The following BBX variants were observed in gnomAD, a reference collection of about 807,000 sequenced individuals.
BBX encodes HMG box transcription factor BBX.
Under a neutral mutation model 100.2 loss-of-function variants are expected in BBX, and 30 were observed. That is an observed-to-expected ratio of 0.30 (90% CI 0.22 to 0.41). The LOEUF (loss-of-function observed/expected upper bound fraction) is 0.41. BBX is among the 10% of genes least tolerant of loss of function. The pLI is 1.00. For synonymous variants in BBX, 376 were observed against 388.1 expected, an observed-to-expected ratio of 0.97 and a Z score of 0.37; for missense variants, 1,023 against 1,129.8, an observed-to-expected ratio of 0.91 and a Z score of 1.35.
chr3:107,746,224 C>A (rs1195838054), intron 8 of BBX, among the ~76,000 whole-genome samples: 3 of 151,814 alleles, frequency 2.0e-5, no homozygotes, highest in Non-Finnish European at 2.9e-5. Context: ...TTTTTTCTAA[C>A]TTTTATAGAG....
chr3:107,528,432 C>CT (rs2047927136), intron 2 of BBX, among the ~76,000 whole-genome samples: 1 of 152,102 alleles, frequency 6.6e-6, no homozygotes, highest in Non-Finnish European at 1.5e-5. Context: ...TAGGAAAAAT[C>CT]TTTCTCTAGA....
chr3:107,787,440 G>C (rs141843000), intron 13 of BBX, among the ~76,000 whole-genome samples: 1 of 152,128 alleles, frequency 6.6e-6, no homozygotes. Flanking sequence ...TTCCAGAATA[G>C]GCAAACCTAT....
intron 3 of BBX, among the ~76,000 whole-genome samples, chr3:107,658,605 G>A (rs1331939612): frequency 6.6e-6 from 1 of 152,062 alleles, no homozygotes; most frequent in Non-Finnish European, 1.5e-5. Flanking sequence ...AGCCACTTTG[G>A]TTTTCATCTT....
chr3:107,789,816 T>C lies in BBX; in HGVS notation c.2233T>C (p.Phe745Leu), dbSNP rs1278401162. 4.5e-6 allele frequency: 7 copies of C among 1,548,972 alleles called. No individual in the cohort carries two copies. The highest frequency in any genetic ancestry group is 4.9e-5 in the East Asian group (2 of 40,900). Residue 745 changes from phenylalanine (F) to leucine (L), a missense_variant, in exon 14 of 18, where the codon TTC (phenylalanine) becomes CTC (leucine). Coordinates refer to ENST00000325805, the MANE Select transcript of BBX (RefSeq NM_001142568.3). Reference sequence around the variant, plus strand: ...TTTCCAGTCTCAGAAAAAGAACTTATTCCACAAAATTGTCAGCAAATATAA... The same window carrying C: ...TTTCCAGTCTCAGAAAAAGAACTTACTCCACAAAATTGTCAGCAAATATAA... The part of the protein sequence containing the change: ...GPFQSQKKNL[F>L]HKIVSKYKHK...
chr3:107,647,457 T>C (rs1006623257), intron 3 of BBX, among the ~76,000 whole-genome samples: 1 of 152,206 alleles, frequency 6.6e-6, no homozygotes, highest in Non-Finnish European at 1.5e-5. Flanking sequence ...GAGTGTTTTA[T>C]TGACTATAAG....
At chr3:107,761,373 G>A (rs73850165) in intron 10 of BBX, among the ~76,000 whole-genome samples, 2,744 of 152,284 alleles carry the variant, frequency 0.018, 83 homozygotes, top group African/African-American at 0.063. Flanking sequence ...GTGTTACACA[G>A]TGATAAAAGC....
chr3:107,680,792 A>G (rs1376916339), intron 3 of BBX, among the ~76,000 whole-genome samples: 1 of 152,176 alleles, frequency 6.6e-6, no homozygotes, highest in Non-Finnish European at 1.5e-5. Context: ...GTTCAGATTT[A>G]CAATTCCATG....
intron 3 of BBX, among the ~76,000 whole-genome samples, chr3:107,688,646 C>CT (rs1265594304): frequency 6.6e-6 from 1 of 152,182 alleles, no homozygotes; most frequent in Non-Finnish European, 1.5e-5. Flanking sequence ...TTGTTGCACT[C>CT]TATTACCTGC....
At chr3:107,796,681 T>C (rs2069703919) in intron 15 of BBX, among the ~76,000 whole-genome samples, 1 of 152,186 alleles carries the variant, frequency 6.6e-6, no homozygotes, top group Admixed American at 6.5e-5. Context: ...TCTTACCGAA[T>C]TATTTTTTAT....
intron 2 of BBX, among the ~76,000 whole-genome samples, chr3:107,566,891 CTT>C (rs1333722278): frequency 6.6e-6 from 1 of 151,766 alleles, no homozygotes; most frequent in Non-Finnish European, 1.5e-5. Flanking sequence ...TTTTTAAACT[CTT>C]TTCTTCTCTG....
intron 2 of BBX, among the ~76,000 whole-genome samples, chr3:107,578,359 A>T (rs1040184985): frequency 6.6e-6 from 1 of 152,224 alleles, no homozygotes; most frequent in African/African-American, 2.4e-5. Flanking sequence ...AAATTCATTC[A>T]AGAAAGGACA....
At chr3:107,588,941 T>A (rs992550634) in intron 2 of BBX, among the ~76,000 whole-genome samples, 1 of 152,170 alleles carries the variant, frequency 6.6e-6, no homozygotes, top group Non-Finnish European at 1.5e-5. Context: ...TATAAGAAAT[T>A]AAATCTCCCA....
intron 13 of BBX, among the ~76,000 whole-genome samples, chr3:107,779,323 C>T (rs2067633439): frequency 6.6e-6 from 1 of 151,846 alleles, no homozygotes; most frequent in Non-Finnish European, 1.5e-5. Flanking sequence ...GACTGTACTA[C>T]CCAAAATGGC....
At chr3:107,569,849 AG>A (rs2051211043) in intron 2 of BBX, among the ~76,000 whole-genome samples, 1 of 152,166 alleles carries the variant, frequency 6.6e-6, no homozygotes, top group Non-Finnish European at 1.5e-5. Context: ...AGTTACCCAA[AG>A]TGTCTGTGAT....
At chr3:107,655,714 T>A (rs183292276) in intron 3 of BBX, among the ~76,000 whole-genome samples, 63 of 151,254 alleles carry the variant, frequency 4.2e-4, no homozygotes, top group Non-Finnish European at 5.6e-4. Context: ...ATTTTTTTTT[T>A]TTTTGAGACG....
intron 3 of BBX, among the ~76,000 whole-genome samples, chr3:107,687,675 T>C (rs2059927931): frequency 6.6e-6 from 1 of 152,182 alleles, no homozygotes; most frequent in Non-Finnish European, 1.5e-5. Context: ...TAGACACTGG[T>C]CATTTTTACT....
intron 2 of BBX, among the ~76,000 whole-genome samples, chr3:107,552,199 C>A (rs989872075): frequency 6.6e-6 from 1 of 151,550 alleles, no homozygotes; most frequent in African/African-American, 2.4e-5. Flanking sequence ...AAAAAGTTAG[C>A]CAGGCATGGT....
In BBX at chr3:107,708,673, C is replaced by CAA. The variant is rs34223415; in HGVS notation, c.-9-1763_-9-1762dup. 2.2e-3 allele frequency among the ~76,000 whole-genome samples: 233 copies of CAA among 107,208 alleles called. 4 individuals carry two copies. The highest frequency in any genetic ancestry group is 7.1e-3 in the East Asian group (32 of 4,518). 70.3% of individuals were successfully genotyped at this position (107,208 alleles called of 152,430 possible). A position where few individuals can be genotyped will look rare whatever the true frequency, so the allele number is the denominator to read the frequency against. ...TAGGCAACATAGCAAGACTCCGTCTCAAAAAAAAAAAAAAAAATTAATCAG... is the reference window on the plus strand; with the variant it reads ...TAGGCAACATAGCAAGACTCCGTCTCAAAAAAAAAAAAAAAAAAATTAATCAG... On this transcript the variant is annotated intron_variant, in intron 3 of 17. Transcript: ENST00000325805.
chr3:107,745,619 C>A (rs1236702399), intron 8 of BBX, among the ~76,000 whole-genome samples: 1 of 151,836 alleles, frequency 6.6e-6, no homozygotes, highest in Admixed American at 6.6e-5. Flanking sequence ...TGCCACCATG[C>A]CCAACTAATT....
Sources: allele counts gnomAD v4.1 joint callset (sites outside exome capture counted in the v4.1 genomes callset), GRCh38; gene constraint gnomAD v4.1.1; transcripts MANE v1.5; gene names NCBI Gene and HGNC (gene_info 2026-07-23, HGNC 2026-07-21).